The following MAOA variants were observed in gnomAD, a reference collection of about 807,000 sequenced individuals.
MAOA encodes amine oxidase [flavin-containing] A.
MAOA carries 6 observed loss-of-function variants against 42.0 expected under a neutral mutation model. The ratio of observed to expected loss-of-function variants is 0.14; its 90% CI spans 0.08 to 0.28. MAOA has a LOEUF of 0.28. MAOA is among the 10% of genes least tolerant of loss of function. The pLI is 1.00. For synonymous variants in MAOA, 140 were observed against 154.0 expected (o/e 0.91, Z 0.67); for missense variants, 262 against 422.3 (o/e 0.62, Z 3.33).
intron 5 of MAOA, among the ~76,000 whole-genome samples, chrX:43,714,572 G>T (rs1248915160): frequency 1.8e-5 from 2 of 109,402 alleles, no homozygotes; most frequent in Non-Finnish European, 3.8e-5. Flanking sequence ...GGTGTAGATG[G>T]TATTACCAGG....
intron 13 of MAOA, 57 bp from the exon 14 acceptor site, chrX:43,744,052 T>C (rs772813203): frequency 8.4e-7 from 1 of 1,194,648 alleles, no homozygotes; most frequent in East Asian, 3.0e-5. Context: ...AGCAGGGCCT[T>C]GAATCTGTAG....
At chrX:43,727,725 A>G (rs2033850583) in intron 5 of MAOA, among the ~76,000 whole-genome samples, 1 of 112,428 alleles carries the variant, frequency 8.9e-6, no homozygotes, top group South Asian at 3.7e-4. Flanking sequence ...AGTCTCTCAC[A>G]GCTTCCCTTG....
At chrX:43,741,873 T>G in intron 11 of MAOA, 77 bp from the exon 12 acceptor site, 2 of 1,189,331 alleles carry the variant, frequency 1.7e-6, no homozygotes, top group Non-Finnish European at 2.3e-6. Flanking sequence ...AACTTTTTGT[T>G]AAAGCAACGA....
chrX:43,689,678 G>A (rs2033517502), intron 2 of MAOA, among the ~76,000 whole-genome samples: 1 of 111,580 alleles, frequency 9.0e-6, no homozygotes, highest in Non-Finnish European at 1.9e-5. Context: ...TTCTATTGTT[G>A]ATGTTGCTTA....
intron 2 of MAOA, among the ~76,000 whole-genome samples, chrX:43,683,957 G>GACACAC (rs58791067): frequency 9.6e-6 from 1 of 103,819 alleles, no homozygotes; most frequent in Non-Finnish European, 2.0e-5. Flanking sequence ...AATACACACA[G>GACACAC]ACACACACAC....
At chrX:43,727,236 G>T (rs1260138625) in intron 5 of MAOA, among the ~76,000 whole-genome samples, 1 of 112,167 alleles carries the variant, frequency 8.9e-6, no homozygotes, top group Non-Finnish European at 1.9e-5. Flanking sequence ...GAGCTGTCAG[G>T]CAGGGACATT....
chrX:43,665,802 G>T (rs1159995986), intron 1 of MAOA, among the ~76,000 whole-genome samples: 1 of 92,532 alleles, frequency 1.1e-5, no homozygotes. Context: ...GATAGGCATA[G>T]GTATAGATTA....
intron 1 of MAOA, among the ~76,000 whole-genome samples, chrX:43,658,371 A>G (rs758658258): frequency 1.8e-5 from 2 of 111,611 alleles, no homozygotes; most frequent in Non-Finnish European, 3.8e-5. Context: ...GGTCATTAGC[A>G]GAGGTGAAAT....
intron 2 of MAOA, among the ~76,000 whole-genome samples, chrX:43,691,429 A>G (rs1008688662): frequency 8.9e-6 from 1 of 111,905 alleles, no homozygotes; most frequent in African/African-American, 3.2e-5. Flanking sequence ...TACTGATGCA[A>G]TAAAGAATAA....
intron 5 of MAOA, among the ~76,000 whole-genome samples, chrX:43,714,143 C>T (rs1009731515): frequency 9.0e-6 from 1 of 111,107 alleles, no homozygotes; most frequent in Non-Finnish European, 1.9e-5. Flanking sequence ...GGAATGATAT[C>T]TTCCAAAAAT....
chrX:43,667,865 A>T (rs1419998681), intron 1 of MAOA, among the ~76,000 whole-genome samples: 1 of 112,015 alleles, frequency 8.9e-6, no homozygotes, highest in South Asian at 3.7e-4. Context: ...GGCCTATACT[A>T]TATACAGGGA....
At chrX:43,656,137 A>T, upstream of MAOA, 2 of 442,508 alleles carry the variant, frequency 4.5e-6, no homozygotes, top group South Asian at 6.5e-5. Context: ...CCCGGGTATC[A>T]GCTGAAACAT....
chrX:43,725,426 C>A (rs1360049591), intron 5 of MAOA, among the ~76,000 whole-genome samples: 3 of 111,399 alleles, frequency 2.7e-5, no homozygotes, highest in Non-Finnish European at 5.7e-5. Context: ...TATGTAATGC[C>A]CTTCTTTGTC....
chrX:43,684,941 G>A (rs757269016), intron 2 of MAOA, among the ~76,000 whole-genome samples: 10 of 96,454 alleles, frequency 1.0e-4, no homozygotes, highest in Non-Finnish European at 1.4e-4. Flanking sequence ...GCAATGGTGC[G>A]ATCTTGGCTC....
At chrX:43,676,278 G>A (rs987676900) in intron 1 of MAOA, among the ~76,000 whole-genome samples, 4 of 112,082 alleles carry the variant, frequency 3.6e-5, no homozygotes, top group African/African-American at 9.7e-5. Context: ...CTGGTGTGCC[G>A]TTTTTTAAGC....
At chrX:43,674,463 T>A (rs1213024403) in intron 1 of MAOA, among the ~76,000 whole-genome samples, 4 of 110,445 alleles carry the variant, frequency 3.6e-5, no homozygotes, top group African/African-American at 6.6e-5. Flanking sequence ...GTTAATATTG[T>A]TATGTGTGAA....
chrX:43,671,887 G>T (rs1277553723), intron 1 of MAOA, among the ~76,000 whole-genome samples: 4 of 105,829 alleles, frequency 3.8e-5, no homozygotes, highest in African/African-American at 1.4e-4. Context: ...GATGCCTCCA[G>T]CTTTGTTCTT....
At chrX:43,708,942 C>T (rs1378812697) in intron 3 of MAOA, among the ~76,000 whole-genome samples, 1 of 110,593 alleles carries the variant, frequency 9.0e-6, no homozygotes, top group East Asian at 2.8e-4. Context: ...CTCACTGCAA[C>T]CTCTGCCTCC....
At chrX:43,721,902 G>A (rs1046940246) in intron 5 of MAOA, among the ~76,000 whole-genome samples, 26 of 110,377 alleles carry the variant, frequency 2.4e-4, no homozygotes, top group African/African-American at 6.9e-4. Flanking sequence ...ATGTGTTCTC[G>A]TTGTTCAACT....
Sources: allele counts gnomAD v4.1 joint callset (sites outside exome capture counted in the v4.1 genomes callset), GRCh38; gene constraint gnomAD v4.1.1; transcripts MANE v1.5; gene names NCBI Gene and HGNC (gene_info 2026-07-23, HGNC 2026-07-21).